DIS3: variants seen among roughly 807,000 people sequenced by gnomAD.
DIS3 encodes the protein DIS3 exosome endoribonuclease and 3'-5' exoribonuclease, also known as exosome complex exonuclease RRP44.
DIS3 carries 103 observed loss-of-function variants against 113.0 expected under a neutral mutation model. That is an observed-to-expected ratio of 0.91 (90% CI 0.78 to 1.07). The LOEUF is 1.07. Among genes scored for constraint, DIS3 ranks in the 50% least tolerant of loss-of-function variants. The probability of loss-of-function intolerance (pLI) is 0.00; values close to 1 mark genes in which losing one functional copy is unlikely to be tolerated. For synonymous variants in DIS3, 402 were observed against 394.3 expected (o/e 1.02, Z -0.23); for missense variants, 1,121 against 1,167.1 (o/e 0.96, Z 0.58).
In DIS3 at chr13:72,771,125, C is replaced by T; in HGVS notation, c.1626G>A (p.Glu542=). Residue 542 remains glutamate, a synonymous_variant, in exon 12 of 21, where the codon GAG becomes GAA. Transcript: ENST00000377767. ...LCEKRIDMVP[E]LLSSNLCSLK... ...AGGAACACAAGTTAGAGCTAAGCAA[C>T]TCTGGAACCATGTCAATCCTCTGCA... is the stretch of plus-strand genomic sequence containing the variant. 6.2e-7 allele frequency: 1 copy of T among 1,613,706 alleles called. No homozygotes were observed. Among genetic ancestry groups the T allele is most frequent in the African/African-American group, 1.3e-5 (1 of 75,024 alleles).
In DIS3 at chr13:72,776,005, G is replaced by A. The variant is rs1250518714; in HGVS notation, c.742C>T (p.Gln248Ter). 10 of 1,611,502 alleles carry A rather than the reference G, an allele frequency of 6.2e-6. No homozygotes were observed. Among genetic ancestry groups the A allele is most frequent in the Non-Finnish European group, 7.6e-6 (9 of 1,179,214 alleles). ...TCCCTGCTAGCTCTAAATGTTCCTT[G>A]AAGGTATGTACCAGATTTTATGCCT... ...QQGIKSGTYL[Q>*]GTFRASRENY... The change falls in exon 5 of 21, where the codon CAA (glutamine) becomes TAA (stop). Residue 248 changes from glutamine to a stop codon, truncating the protein, a stop_gained. Transcript: ENST00000377767. LOFTEE classifies it high-confidence loss of function.
Position 72,772,093 on chromosome 13 carries a change from A to G in DIS3, c.1503+66T>C, listed in dbSNP as rs2033899164. 3.6e-6 allele frequency: 5 copies of G among 1,380,972 alleles called. No individual in the cohort carries two copies. The East Asian group carries it at 1.1e-4, about 32-fold the overall frequency. 85.5% of individuals were successfully genotyped at this position (1,380,972 alleles called of 1,614,324 possible). A position where few individuals can be genotyped will look rare whatever the true frequency, so the allele number is the denominator to read the frequency against. On this transcript the variant is annotated intron_variant, in intron 10 of 20. Transcript: ENST00000377767. ...GTAATTAACAAGCAAATTCTATTCT[A>G]GTTCAAAAGAAAATGAACTCAGAAC...
chr13:72,770,503 G>T (rs1183290412), intron 13 of DIS3, among the ~76,000 whole-genome samples: 1 of 152,166 alleles, frequency 6.6e-6, no homozygotes, highest in African/African-American at 2.4e-5. Context: ...TGGCAGTAGG[G>T]CTGGGGCTGG....
intron 11 of DIS3, 147 bp downstream of exon 11, chr13:72,771,648 T>C (rs1465867630): frequency 1.5e-6 from 1 of 646,604 alleles, no homozygotes; most frequent in Non-Finnish European, 2.5e-6. Context: ...CTTTACTTGT[T>C]ATTTGAACCA....
In DIS3 at chr13:72,777,426, T is replaced by C. The variant is rs969272470; in HGVS notation, c.648A>G (p.Glu216=). 12 of 1,613,948 alleles carry C rather than the reference T, an allele frequency of 7.4e-6. No homozygotes were observed. The highest frequency in any genetic ancestry group is 9.3e-6 in the Non-Finnish European group (11 of 1,179,954). ...ELIDRLACLS[E]EGNEIESGKI... is the part of the protein sequence containing the mutation. ...AAACAAAACAAAAACATACCCCTTC[T>C]TCAGACAAACAAGCAAGACGATCTA... is the stretch of plus-strand genomic sequence containing the variant. Residue 216 remains glutamate (E), a synonymous_variant, in exon 4 of 21, where the codon GAA becomes GAG. Transcript: ENST00000377767.
At chr13:72,778,151 C>A (rs562698199) in intron 3 of DIS3, 36 bp downstream of exon 3, 2 of 1,503,392 alleles carry the variant, frequency 1.3e-6, no homozygotes, top group East Asian at 2.3e-5. Context: ...CACGCATTTG[C>A]AAACATGCAC....
In DIS3 at chr13:72,763,484, AT is replaced by A; in HGVS notation, c.2093del (p.Asn698IlefsTer39). On this transcript the variant is annotated frameshift_variant, in exon 16 of 21. Coordinates refer to ENST00000377767, the MANE Select transcript of DIS3 (RefSeq NM_014953.5). LOFTEE classifies it high-confidence loss of function. ...TGGCTGCCTTAACAAGAATTTCATA[AT>A]TTGATGGAGGTGGAGCAGGATGTTT... ...LRKHPAPPPS[N>X]YEILVKAARS... The A allele has an allele frequency of 6.2e-7, 1 of 1,613,354 alleles. No individual in the cohort carries two copies.
At chr13:72,771,681 A>G in intron 11 of DIS3, 114 bp downstream of exon 11, 4 of 975,406 alleles carry the variant, frequency 4.1e-6, no homozygotes, top group Non-Finnish European at 5.9e-6. Context: ...AATTTGCAAT[A>G]TATTTAGTGA....
rs1294838936 is a variant in DIS3 at position 72,776,092 on chromosome 13, T to C, written c.655A>G (p.Asn219Asp). Residue 219 changes from asparagine to aspartate, a missense_variant and splice_region_variant, in exon 5 of 21, where the codon AAT (asparagine) becomes GAT (aspartate). Asn to Asp is a conservative substitution (Grantham distance 23). This residue lies in a region of DIS3 where 861 missense variants were observed against 915.5 expected (regional missense o/e 0.94). Coordinates refer to ENST00000377767, the MANE Select transcript of DIS3 (RefSeq NM_014953.5). Reference sequence around the variant, plus strand: ...ATTATTTTTCCACTTTCTATTTCATTCTATGAAAGAAGCAAACCAAAAGAT... The same window carrying C: ...ATTATTTTTCCACTTTCTATTTCATCCTATGAAAGAAGCAAACCAAAAGAT... ...DRLACLSEEGNEIESGKIIFS... is the reference protein window; with the variant it reads ...DRLACLSEEGDEIESGKIIFS... 6.3e-7 allele frequency: 1 copy of C among 1,590,392 alleles called. No individual in the cohort carries two copies.
chr13:72,777,570 G>A lies in DIS3; in HGVS notation c.581-77C>T, dbSNP rs1273951855. The A allele has an allele frequency of 1.5e-5, 18 of 1,203,056 alleles. No homozygotes were observed. The African/African-American group carries it at 1.5e-4, about 10-fold the overall frequency. The allele number at this position is 1,203,056 out of a possible 1,614,324, so 74.5% of individuals were successfully genotyped here. A position where few individuals can be genotyped will look rare whatever the true frequency, so the allele number is the denominator to read the frequency against. ...GAAAAAAATGGATAGTCTTGTTTGC[G>A]ACAGTATACACGTCATTCTTTCATT... On this transcript the variant is annotated intron_variant, in intron 3 of 20. Transcript: ENST00000377767.
Position 72,773,750 on chromosome 13 carries a change from G to A in DIS3, c.1173C>T (p.Ser391=), listed in dbSNP as rs1295689884. The A allele has an allele frequency of 1.9e-6, 3 of 1,613,842 alleles. No homozygotes were observed. The highest frequency in any genetic ancestry group is 2.5e-6 in the Non-Finnish European group (3 of 1,179,972). The change falls in exon 8 of 21, where the codon TCC becomes TCT. Residue 391 remains serine (S), a synonymous_variant. Transcript: ENST00000377767. ...PRIRIETRQA[S]TLEGRRIIVA... ...CAATAATTCTCCGTCCTTCTAATGT[G>A]GAAGCCTGTCTGGTTTCTATGCGAA...
intron 19 of DIS3, among the ~76,000 whole-genome samples, chr13:72,760,981 C>T (rs988669983): frequency 3.3e-5 from 5 of 151,976 alleles, no homozygotes; most frequent in Admixed American, 2.0e-4. Flanking sequence ...CAAATATTCT[C>T]TCAGGGCTGT....
In DIS3 at chr13:72,761,801, T is replaced by C. The variant is rs758280177; in HGVS notation, c.2356A>G (p.Ile786Val). ...TSPIRRYADV[I>V]VHRLLAVAIG... is the part of the protein sequence containing the mutation. ...GCCACAGCCAAAAGCCGATGAACAA[T>C]GACATCTGCGTATCTAGATAGATGG... Residue 786 changes from isoleucine to valine, a missense_variant, in exon 18 of 21, where the codon ATT becomes GTT. Coordinates refer to ENST00000377767, the MANE Select transcript of DIS3 (RefSeq NM_014953.5). The C allele has an allele frequency of 1.6e-5, 25 of 1,612,904 alleles. No homozygotes were observed. The South Asian group carries it at 2.3e-4, about 15-fold the overall frequency.
At chr13:72,779,219 A>C (rs1279361756) in intron 2 of DIS3, among the ~76,000 whole-genome samples, 1 of 151,654 alleles carries the variant, frequency 6.6e-6, no homozygotes, top group Non-Finnish European at 1.5e-5. Flanking sequence ...CTCCGGGTTC[A>C]AGTGATCCTC....
At position 72,755,793 on chromosome 13, in the gene DIS3, T is replaced by A; in HGVS notation, c.*4002A>T. 2.5e-6 allele frequency: 1 copy of A among 398,360 alleles called. No individual in the cohort carries two copies. The highest frequency in any genetic ancestry group is 4.4e-6 in the Non-Finnish European group (1 of 226,028). 24.7% of individuals were successfully genotyped at this position (398,360 alleles called of 1,614,324 possible). On this transcript the variant is annotated 3_prime_UTR_variant, in exon 21 of 21. Coordinates refer to ENST00000377767, the MANE Select transcript of DIS3 (RefSeq NM_014953.5). ...CTGTTCTAGTTACTACTTTTAAGTA[T>A]GTAAATACTAGAAAGGTAGTACTAG...
At position 72,780,066 on chromosome 13, in the gene DIS3, G is replaced by A. The variant is rs1272930028; in HGVS notation, c.386+780C>T. Reference sequence around the variant, plus strand: ...TTCCTGGCCAGGCACGGTAGCTCATGCCTGTAATCCCACCACTTTGAGAGG... The same window carrying A: ...TTCCTGGCCAGGCACGGTAGCTCATACCTGTAATCCCACCACTTTGAGAGG... On this transcript the variant is annotated intron_variant, in intron 2 of 20. Coordinates refer to ENST00000377767, the MANE Select transcript of DIS3 (RefSeq NM_014953.5). Among the ~76,000 whole-genome samples, 8 of 152,106 alleles carry A rather than the reference G, an allele frequency of 5.3e-5. No individual in the cohort carries two copies. The East Asian group carries it at 5.8e-4, about 11-fold the overall frequency.
Position 72,780,873 on chromosome 13 carries a change from A to G in DIS3, c.359T>C (p.Phe120Ser). 1 of 1,610,610 alleles carries G rather than the reference A, an allele frequency of 6.2e-7. No individual in the cohort carries two copies. The highest frequency in any genetic ancestry group is 2.2e-5 in the East Asian group (1 of 44,834). ...RDVTNNQEKH[F>S]YTFTNEHHRE... The stretch of plus-strand genomic sequence containing the variant: ...ATGGTGCTCATTAGTGAAAGTATAG[A>G]AATGCTTCTCTTGGTTATTAGTCAC... The change falls in exon 2 of 21, where the codon TTC becomes TCC. Residue 120 changes from phenylalanine (F) to serine (S), a missense_variant. Phe to Ser is a radical substitution (Grantham distance 155). This residue lies in a region of DIS3 where 254 missense variants were observed against 232.2 expected (regional missense o/e 1.09). Transcript: ENST00000377767.
intron 14 of DIS3, among the ~76,000 whole-genome samples, chr13:72,767,008 G>C (rs758742508): frequency 3.0e-4 from 45 of 152,108 alleles, no homozygotes; most frequent in South Asian, 8.3e-4. Context: ...CTTAAAACAA[G>C]GCTCTACTTC....
At position 72,766,097 on chromosome 13, in the gene DIS3, G is replaced by A. The variant is rs1284799720; in HGVS notation, c.1884-39C>T. The A allele has an allele frequency of 3.3e-6, 5 of 1,501,434 alleles. No homozygotes were observed. In the South Asian group the frequency reaches 3.7e-5, roughly 11 times the overall value. The allele number at this position is 1,501,434 out of a possible 1,614,324, so 93.0% of individuals were successfully genotyped here. A position where few individuals can be genotyped will look rare whatever the true frequency, so the allele number is the denominator to read the frequency against. ...AAAGAGAAAAATTATAGTCAAGCAA[G>A]CCAATAAAAGACAAAAGTATAGAAA... On this transcript the variant is annotated intron_variant, in intron 14 of 20. Transcript: ENST00000377767.
Sources: gnomAD v4.1 joint callset for allele counts (sites outside exome capture counted in the v4.1 genomes callset) on GRCh38, gnomAD v4.1.1 for gene constraint, gnomAD v4.1.1 regional missense constraint, MANE v1.5 for transcripts, NCBI Gene and HGNC (gene_info 2026-07-23, HGNC 2026-07-21) for gene names.